Variants in STK33 observed in about 807,000 individuals in gnomAD.
STK33 encodes serine/threonine-protein kinase 33.
STK33 carries 52 observed loss-of-function variants against 58.0 expected under a neutral mutation model. The ratio of observed to expected loss-of-function variants is 0.90; its 90% CI spans 0.72 to 1.13. STK33 has a LOEUF of 1.13. Ranked by LOEUF, STK33 falls within the 50% of genes most tolerant of loss-of-function variation. STK33 has a pLI of 0.00. For synonymous variants in STK33, 215 were observed against 200.1 expected, an observed-to-expected ratio of 1.07 and a Z score of -0.63; for missense variants, 630 against 604.2, an observed-to-expected ratio of 1.04 and a Z score of -0.45.
At chr11:8,486,962 G>A (rs534213813) in intron 1 of STK33, among the ~76,000 whole-genome samples, 1 of 152,286 alleles carries the variant, frequency 6.6e-6, no homozygotes, top group South Asian at 2.1e-4. Context: ...CATTTACTGA[G>A]ACAGTAAAGA....
At chr11:8,413,897 G>A (rs1337621309) in intron 14 of STK33, among the ~76,000 whole-genome samples, 1 of 152,162 alleles carries the variant, frequency 6.6e-6, no homozygotes, top group African/African-American at 2.4e-5. Context: ...GATATCACGT[G>A]TAATATGTCC....
At chr11:8,576,701 C>A (rs1227854644) in intron 1 of STK33, among the ~76,000 whole-genome samples, 2 of 152,112 alleles carry the variant, frequency 1.3e-5, no homozygotes, top group Non-Finnish European at 2.9e-5. Context: ...TACTACTATT[C>A]CCACTTTACA....
At chr11:8,389,312 T>C (rs1212753458), downstream of STK33, among the ~76,000 whole-genome samples, 2 of 152,222 alleles carry the variant, frequency 1.3e-5, no homozygotes, top group African/African-American at 4.8e-5. Flanking sequence ...GGAGTCAGCG[T>C]CTGGACCTGG....
intron 12 of STK33, among the ~76,000 whole-genome samples, chr11:8,439,659 C>T (rs1225214507): frequency 2.7e-5 from 4 of 150,932 alleles, no homozygotes; most frequent in Admixed American, 6.6e-5. Flanking sequence ...AGGGTGTGTC[C>T]GAGTATTGAA....
At position 8,435,575 on chromosome 11, in the gene STK33, T is replaced by C; in HGVS notation, c.1065A>G (p.Lys355=). ...CTTTCATAAGTTGTTTCAAAACACTTTTAGCTAAAAATAAGAAAAAAATCC... is the reference window on the plus strand; with the variant it reads ...CTTTCATAAGTTGTTTCAAAACACTCTTAGCTAAAAATAAGAAAAAAATCC... ...AVWNSISDCA[K]SVLKQLMKVD... is the part of the protein sequence containing the mutation. Residue 355 remains lysine, a synonymous_variant, in exon 14 of 16, where the codon AAA becomes AAG. Transcript: ENST00000687296. The C allele has an allele frequency of 6.7e-7, 1 of 1,491,646 alleles. No homozygotes were observed. The allele number at this position is 1,491,646 out of a possible 1,614,324, so 92.4% of individuals were successfully genotyped here. A position where few individuals can be genotyped will look rare whatever the true frequency, so the allele number is the denominator to read the frequency against.
chr11:8,591,633 C>CA (rs1194254039), intron 1 of STK33, among the ~76,000 whole-genome samples: 3 of 151,836 alleles, frequency 2.0e-5, no homozygotes, highest in African/African-American at 7.3e-5. Flanking sequence ...AATGTCTCTG[C>CA]AAAAAAAGAG....
chr11:8,460,816 A>C (rs1947428829), intron 8 of STK33, among the ~76,000 whole-genome samples: 1 of 152,218 alleles, frequency 6.6e-6, no homozygotes, highest in African/African-American at 2.4e-5. Flanking sequence ...AAGACTGAAA[A>C]GGGCAGAGAC....
At chr11:8,356,264 C>T in the STK33 span, among the ~76,000 whole-genome samples, 2 of 152,192 alleles carry the variant, frequency 1.3e-5, no homozygotes, top group African/African-American at 4.8e-5. Context: ...GGAGCATCCA[C>T]GTCCACCTTT....
At position 8,397,836 on chromosome 11, in the gene STK33, C is replaced by T. The variant is rs754247386; in HGVS notation, c.1345-5126G>A. Among the ~76,000 whole-genome samples, 9 of 92,224 alleles carry T rather than the reference C, an allele frequency of 9.8e-5. No homozygotes were observed. The East Asian group carries it at 1.5e-3, about 15-fold the overall frequency. The allele number at this position is 92,224 out of a possible 152,430, so 60.5% of individuals were successfully genotyped here. A position where few individuals can be genotyped will look rare whatever the true frequency, so the allele number is the denominator to read the frequency against. On this transcript the variant is annotated intron_variant, in intron 15 of 15. Coordinates refer to ENST00000687296, the MANE Select transcript of STK33 (RefSeq NM_001352389.2). ...AATGCATAAGCCTCAGTAGCCGATT[C>T]GATCAACTGGAAGAAACAGTATCAG... is the stretch of plus-strand genomic sequence containing the variant.
chr11:8,557,926 C>T (rs1296917526), intron 1 of STK33, among the ~76,000 whole-genome samples: 1 of 152,118 alleles, frequency 6.6e-6, no homozygotes, highest in Non-Finnish European at 1.5e-5. Flanking sequence ...TGTAATGAAC[C>T]TTAAGTCACA....
chr11:8,570,941 C>T (rs1460569737), intron 1 of STK33, among the ~76,000 whole-genome samples: 2 of 152,124 alleles, frequency 1.3e-5, no homozygotes, highest in East Asian at 1.9e-4. Context: ...GATAGAGTAA[C>T]GGGGGACAGA....
intron 1 of STK33, among the ~76,000 whole-genome samples, chr11:8,563,614 G>A (rs2140979990): frequency 1.3e-5 from 2 of 152,190 alleles, no homozygotes; most frequent in Middle Eastern, 6.8e-3. Flanking sequence ...CGGATTTCAA[G>A]TTCACCCTCC....
chr11:8,353,675 CT>C, the STK33 span, among the ~76,000 whole-genome samples: 2 of 152,190 alleles, frequency 1.3e-5, no homozygotes, highest in East Asian at 3.8e-4. Context: ...TGTTTTTCGG[CT>C]GTCTCAAATA....
chr11:8,343,379 G>A, the STK33 span, among the ~76,000 whole-genome samples: 1 of 152,236 alleles, frequency 6.6e-6, no homozygotes, highest in East Asian at 1.9e-4. Context: ...GGTCTCCCTT[G>A]CCATATGACT....
intron 1 of STK33, among the ~76,000 whole-genome samples, chr11:8,484,243 G>A (rs1950047375): frequency 6.6e-6 from 1 of 152,140 alleles, no homozygotes; most frequent in South Asian, 2.1e-4. Flanking sequence ...ATTTGTTTTA[G>A]GGATAAGGTA....
chr11:8,364,814 A>G, the STK33 span, among the ~76,000 whole-genome samples: 1 of 152,172 alleles, frequency 6.6e-6, no homozygotes, highest in Non-Finnish European at 1.5e-5. Context: ...GGGTTGTACC[A>G]GTTTTGCTCT....
At position 8,477,249 on chromosome 11, in the gene STK33, C is replaced by A. The variant is rs1194119554; in HGVS notation, c.-227+1G>T. The A allele has an allele frequency of 1.3e-5, 2 of 151,442 alleles. No individual in the cohort carries two copies. Among genetic ancestry groups the A allele is most frequent in the African/African-American group, 4.9e-5 (2 of 41,174 alleles). 9.4% of individuals were successfully genotyped at this position (151,442 alleles called of 1,614,324 possible). A position where few individuals can be genotyped will look rare whatever the true frequency, so the allele number is the denominator to read the frequency against. ...CAAGACAAAGAAAATTCAGAATGTA[C>A]CTGTATCACTTTCCAAAATGATTTA... On this transcript the variant is annotated splice_donor_variant, in intron 3 of 15. Coordinates refer to ENST00000687296, the MANE Select transcript of STK33 (RefSeq NM_001352389.2). LOFTEE classifies it low-confidence loss of function (5UTR_SPLICE).
chr11:8,547,884 C>G (rs1956048595), intron 1 of STK33, among the ~76,000 whole-genome samples: 1 of 151,880 alleles, frequency 6.6e-6, no homozygotes, highest in Non-Finnish European at 1.5e-5. Flanking sequence ...AAGCTGGAAA[C>G]CATCATTCTG....
chr11:8,389,724 T>C (rs747962507), downstream of STK33, among the ~76,000 whole-genome samples: 14 of 152,242 alleles, frequency 9.2e-5, no homozygotes, highest in Non-Finnish European at 2.1e-4. Context: ...AATAGAATTA[T>C]TTAAACAAAG....
Sources: allele counts gnomAD v4.1 joint callset (sites outside exome capture counted in the v4.1 genomes callset), GRCh38; gene constraint gnomAD v4.1.1; transcripts MANE v1.5; gene names NCBI Gene and HGNC (gene_info 2026-07-23, HGNC 2026-07-21).